The following RALA variants were observed in gnomAD, a reference collection of about 807,000 sequenced individuals.
The protein encoded by RALA is ras-related protein Ral-A.
RALA carries 5 observed loss-of-function variants against 24.0 expected under a neutral mutation model. That is an observed-to-expected ratio of 0.21 (90% CI 0.11 to 0.44). The LOEUF is 0.44. Among genes scored for constraint, RALA ranks in the 20% least tolerant of loss-of-function variants. The probability of loss-of-function intolerance (pLI) is 0.99; values close to 1 mark genes in which losing one functional copy is unlikely to be tolerated. For missense variants in RALA, 95 were observed against 241.2 expected (o/e 0.39, Z 4.01); for synonymous variants, 77 against 83.8 (o/e 0.92, Z 0.44).
chr7:39,705,736 CAT>C (rs1793110657), intron 4 of RALA, among the ~76,000 whole-genome samples: 1 of 151,356 alleles, frequency 6.6e-6, no homozygotes, highest in Admixed American at 6.6e-5. Flanking sequence ...TAAATTTAAG[CAT>C]ATATTATTAA....
Position 39,650,914 on chromosome 7 carries a change from A to G in RALA, c.-38+27089A>G, listed in dbSNP as rs534360127. Among the ~76,000 whole-genome samples the G allele has an allele frequency of 8.5e-5, 13 of 152,276 alleles. No individual in the cohort carries two copies. In the South Asian group the frequency reaches 1.9e-3, roughly 22 times the overall value. Reference sequence around the variant, plus strand: ...GCAGGAGGCTTCAGTTCCTTGCCACATCAGCCTCTCCTTTGGACTAGTCAT... The same window carrying G: ...GCAGGAGGCTTCAGTTCCTTGCCACGTCAGCCTCTCCTTTGGACTAGTCAT... On this transcript the variant is annotated intron_variant, in intron 1 of 4. Transcript: ENST00000005257.
intron 1 of RALA, among the ~76,000 whole-genome samples, chr7:39,657,589 C>T (rs1245009820): frequency 6.6e-6 from 1 of 152,102 alleles, no homozygotes; most frequent in Non-Finnish European, 1.5e-5. Context: ...GGTCATTAAC[C>T]TGTCCTCTAT....
chr7:39,699,821 C>T (rs1792991431), intron 4 of RALA, among the ~76,000 whole-genome samples: 1 of 152,194 alleles, frequency 6.6e-6, no homozygotes, highest in Admixed American at 6.5e-5. Context: ...TGTAAATACC[C>T]TTGTGAACTT....
At chr7:39,637,394 T>C (rs1015468850) in intron 1 of RALA, among the ~76,000 whole-genome samples, 16 of 152,244 alleles carry the variant, frequency 1.1e-4, no homozygotes, top group Non-Finnish European at 1.5e-4. Context: ...TTAACCTTCA[T>C]TCAACAATTC....
intron 1 of RALA, among the ~76,000 whole-genome samples, chr7:39,674,096 AG>A (rs899258056): frequency 4.6e-5 from 7 of 151,616 alleles, no homozygotes; most frequent in African/African-American, 1.2e-4. Context: ...TAAAAGGTTG[AG>A]GGGGGGTGGT....
At chr7:39,628,192 A>G (rs1791527192) in intron 1 of RALA, among the ~76,000 whole-genome samples, 1 of 152,052 alleles carries the variant, frequency 6.6e-6, no homozygotes. Context: ...AAAAATTACA[A>G]TTAGGTTCTC....
intron 1 of RALA, among the ~76,000 whole-genome samples, chr7:39,643,581 C>A (rs931087127): frequency 6.6e-6 from 1 of 152,044 alleles, no homozygotes; most frequent in Non-Finnish European, 1.5e-5. Flanking sequence ...ATTAGCCAGG[C>A]GTGGTGGCTT....
Position 39,707,676 on chromosome 7 carries a change from C to T in RALA, c.*1431C>T, listed in dbSNP as rs544282013. The T allele has an allele frequency of 6.6e-6, 1 of 152,258 alleles. No homozygotes were observed. Among genetic ancestry groups the T allele is most frequent in the African/African-American group, 2.4e-5 (1 of 41,384 alleles). 9.4% of individuals were successfully genotyped at this position (152,258 alleles called of 1,614,324 possible). A position where few individuals can be genotyped will look rare whatever the true frequency, so the allele number is the denominator to read the frequency against. On this transcript the variant is annotated 3_prime_UTR_variant, in exon 5 of 5. Coordinates refer to ENST00000005257, the MANE Select transcript of RALA (RefSeq NM_005402.4). Reference sequence around the variant, plus strand: ...AGTATTTTTTTCTTTTTTCTCAGTCCTAATTTGAACAGGTCAAAGATGTGT... The same window carrying T: ...AGTATTTTTTTCTTTTTTCTCAGTCTTAATTTGAACAGGTCAAAGATGTGT...
At chr7:39,628,694 T>A (rs1398357334) in intron 1 of RALA, among the ~76,000 whole-genome samples, 3 of 152,182 alleles carry the variant, frequency 2.0e-5, no homozygotes, top group Non-Finnish European at 2.9e-5. Context: ...TAGCTGGGAT[T>A]ACAGGCACGC....
In RALA at chr7:39,693,469, A is replaced by T. The variant is rs563780590; in HGVS notation, c.323+2879A>T. The stretch of plus-strand genomic sequence containing the variant: ...GCATTAGGAGAAATACCTAATGTAA[A>T]TGACGAGTTGATGGGTGCAGCAAAC... On this transcript the variant is annotated intron_variant, in intron 3 of 4. Transcript: ENST00000005257. 3.0e-4 allele frequency among the ~76,000 whole-genome samples: 46 copies of T among 152,318 alleles called. 1 individual carries two copies. The highest frequency in any genetic ancestry group is 5.0e-4 in the Non-Finnish European group (34 of 68,022).
In RALA at chr7:39,650,805, A is replaced by C. The variant is rs936495929; in HGVS notation, c.-38+26980A>C. Among the ~76,000 whole-genome samples the C allele has an allele frequency of 1.6e-4, 25 of 152,262 alleles. 1 individual carries two copies. The highest frequency in any genetic ancestry group is 3.3e-4 in the Admixed American group (5 of 15,284). The stretch of plus-strand genomic sequence containing the variant: ...GACTTAGAATCTCCCATGAGGCTGC[A>C]ATCAAAGTGTCAGCCAGGGCTGCAG... On this transcript the variant is annotated intron_variant, in intron 1 of 4. Transcript: ENST00000005257.
intron 1 of RALA, among the ~76,000 whole-genome samples, chr7:39,625,934 T>G (rs965909384): frequency 6.6e-6 from 1 of 152,238 alleles, no homozygotes; most frequent in Admixed American, 6.5e-5. Context: ...CTTGTAGATA[T>G]GCATATCAGT....
chr7:39,668,235 T>C (rs1859480), intron 1 of RALA, among the ~76,000 whole-genome samples: 23,542 of 152,206 alleles, frequency 0.15, 2,140 homozygotes, highest in East Asian at 0.31. Context: ...AATACTAGCA[T>C]AGTTACTGTG....
rs925401675 is a variant in RALA, at chr7:39,690,459, C to T, written c.192C>T (p.Ile64=). ...KVVLDGEEVQ[I]DILDTAGQED... is the part of the protein sequence containing the mutation. ...TGCTAGATGGGGAGGAAGTCCAGAT[C>T]GATATCTTAGATACAGCTGGGCAGG... Residue 64 remains isoleucine, a synonymous_variant, in exon 3 of 5, where the codon ATC becomes ATT. Coordinates refer to ENST00000005257, the MANE Select transcript of RALA (RefSeq NM_005402.4). 10 of 1,613,846 alleles carry T rather than the reference C, an allele frequency of 6.2e-6. No homozygotes were observed. In the African/African-American group the frequency reaches 8.0e-5, roughly 13 times the overall value.
chr7:39,639,214 T>C (rs750956863), intron 1 of RALA, among the ~76,000 whole-genome samples: 1 of 152,236 alleles, frequency 6.6e-6, no homozygotes, highest in Non-Finnish European at 1.5e-5. Context: ...AAAACACTTC[T>C]AAACATTGAA....
intron 1 of RALA, among the ~76,000 whole-genome samples, chr7:39,663,644 G>GA (rs746498608): frequency 1.0e-3 from 151 of 148,726 alleles, no homozygotes; most frequent in Admixed American, 1.6e-3. Context: ...AAAAAAAAAA[G>GA]AAAAAATATA....
chr7:39,683,472 A>AC (rs2116057914), intron 1 of RALA, among the ~76,000 whole-genome samples: 1 of 152,104 alleles, frequency 6.6e-6, no homozygotes, highest in Admixed American at 6.5e-5. Context: ...TTTTCATTGC[A>AC]CTTAGCACTA....
chr7:39,680,405 A>AATAT (rs10540439), intron 1 of RALA, among the ~76,000 whole-genome samples: 9 of 147,756 alleles, frequency 6.1e-5, no homozygotes, highest in South Asian at 2.1e-4. Context: ...AAAAAACACA[A>AATAT]ATATATATAT....
intron 1 of RALA, among the ~76,000 whole-genome samples, chr7:39,672,375 C>T (rs1792404524): frequency 6.6e-6 from 1 of 152,064 alleles, no homozygotes; most frequent in South Asian, 2.1e-4. Context: ...ACTAGACTGC[C>T]TAAAATTAGA....
Sources: allele counts gnomAD v4.1 joint callset (sites outside exome capture counted in the v4.1 genomes callset), GRCh38; gene constraint gnomAD v4.1.1; transcripts MANE v1.5; gene names NCBI Gene and HGNC (gene_info 2026-07-23, HGNC 2026-07-21).